Variants in SLC7A1 observed in about 807,000 individuals in gnomAD.
The protein encoded by SLC7A1 is high affinity cationic amino acid transporter 1.
Under a neutral mutation model 53.9 loss-of-function variants are expected in SLC7A1, and 10 were observed. The observed-to-expected ratio is 0.19, with a 90% CI of 0.11 to 0.31. The LOEUF (loss-of-function observed/expected upper bound fraction) is 0.31, where lower values mean the gene tolerates loss of function less well. Among genes scored for constraint, SLC7A1 ranks in the 10% least tolerant of loss-of-function variants. The pLI, the probability that SLC7A1 is intolerant of heterozygous loss-of-function variation, is 1.00. For missense variants in SLC7A1, 525 were observed against 827.2 expected (o/e 0.63, Z 4.48); for synonymous variants, 342 against 338.7 (o/e 1.01, Z -0.11).
chr13:29,539,192 C>T (rs569852655), intron 2 of SLC7A1, among the ~76,000 whole-genome samples: 25 of 152,212 alleles, frequency 1.6e-4, no homozygotes, highest in African/African-American at 2.9e-4. Flanking sequence ...TTCTCAAAAA[C>T]GTGCTGTTGT....
At chr13:29,583,887 T>C (rs918617508) in intron 1 of SLC7A1, among the ~76,000 whole-genome samples, 1 of 152,028 alleles carries the variant, frequency 6.6e-6, no homozygotes, top group Non-Finnish European at 1.5e-5. Flanking sequence ...AAGAAAGCAA[T>C]CTGAAAAAAG....
chr13:29,531,144 G>C (rs1309126751), intron 4 of SLC7A1, among the ~76,000 whole-genome samples: 2 of 152,226 alleles, frequency 1.3e-5, no homozygotes, highest in Non-Finnish European at 2.9e-5. Flanking sequence ...TTTCCTGGGA[G>C]AATGGACATT....
At chr13:29,581,129 G>A (rs996471581) in intron 1 of SLC7A1, among the ~76,000 whole-genome samples, 2 of 152,160 alleles carry the variant, frequency 1.3e-5, no homozygotes, top group Admixed American at 6.5e-5. Context: ...TAATGAACCA[G>A]GCAACAGAGA....
rs1022953614 is a variant in SLC7A1, at chr13:29,511,650, C to T, written c.*2830G>A. ...CCTCCCTGGAGACCCACTTCATCCC[C>T]CTCTTCAGCAGAGGTCCTGAGGCAG... On this transcript the variant is annotated 3_prime_UTR_variant, in exon 13 of 13. Coordinates refer to ENST00000380752, the MANE Select transcript of SLC7A1 (RefSeq NM_003045.5). The T allele has an allele frequency of 1.3e-5, 2 of 152,240 alleles. No individual in the cohort carries two copies. The highest frequency in any genetic ancestry group is 4.8e-5 in the African/African-American group (2 of 41,452). 9.4% of individuals were successfully genotyped at this position (152,240 alleles called of 1,614,324 possible). A position where few individuals can be genotyped will look rare whatever the true frequency, so the allele number is the denominator to read the frequency against.
At chr13:29,572,552 A>G (rs572358976) in intron 1 of SLC7A1, among the ~76,000 whole-genome samples, 3 of 152,274 alleles carry the variant, frequency 2.0e-5, no homozygotes, top group South Asian at 4.1e-4. Context: ...GCCGGATGCC[A>G]TCAGTTATCA....
At chr13:29,542,938 T>G (rs975517236) in intron 2 of SLC7A1, among the ~76,000 whole-genome samples, 3 of 152,178 alleles carry the variant, frequency 2.0e-5, no homozygotes, top group African/African-American at 7.2e-5. Flanking sequence ...TGGACTCTTT[T>G]AAAGGCCCTG....
intron 5 of SLC7A1, among the ~76,000 whole-genome samples, chr13:29,529,275 A>G (rs1593546160): frequency 6.6e-6 from 1 of 152,234 alleles, no homozygotes; most frequent in South Asian, 2.1e-4. Flanking sequence ...CCATTCAAGT[A>G]GTCACACATC....
Position 29,535,911 on chromosome 13 carries a change from T to C in SLC7A1, c.278A>G (p.Lys93Arg). ...GCTGTAGAGGTAAGCTGAGCCCGTC[T>C]TGGGGACCCGAGCACCAAACTCGCC... ...CYGEFGARVP[K>R]TGSAYLYSYV... Residue 93 changes from lysine to arginine, a missense_variant, in exon 3 of 13, where the codon AAG becomes AGG. By Grantham distance (26) the Lys-to-Arg change is conservative. Coordinates refer to ENST00000380752, the MANE Select transcript of SLC7A1 (RefSeq NM_003045.5). 1.9e-6 allele frequency: 3 copies of C among 1,614,206 alleles called. No homozygotes were observed. Among genetic ancestry groups the C allele is most frequent in the Non-Finnish European group, 2.5e-6 (3 of 1,180,048 alleles).
Position 29,588,046 on chromosome 13 carries a change from CA to C in SLC7A1, c.-115+7369del, listed in dbSNP as rs1871958960. 2.6e-5 allele frequency among the ~76,000 whole-genome samples: 4 copies of C among 152,118 alleles called. No homozygotes were observed. The South Asian group carries it at 8.3e-4, about 32-fold the overall frequency. On this transcript the variant is annotated intron_variant, in intron 1 of 12. Transcript: ENST00000380752. ...TCTGTAGTTTCCAAATTTTCCACAA[CA>C]AACATTCTAACTTTTAGAAACACTT...
Position 29,536,030 on chromosome 13 carries a change from C to T in SLC7A1, c.159G>A (p.Leu53=). The change falls in exon 3 of 13, where the codon CTG becomes CTA. Residue 53 remains leucine (L), a synonymous_variant. Coordinates refer to ENST00000380752, the MANE Select transcript of SLC7A1 (RefSeq NM_003045.5). ...CATTCTCACGGGCCACAGCTCCAGC[C>T]AGGACGTAGACACCAGCACCCAGTG... ...GSTLGAGVYV[L]AGAVARENAG... is the part of the protein sequence containing the mutation. The T allele has an allele frequency of 6.2e-7, 1 of 1,614,072 alleles. No homozygotes were observed. The highest frequency in any genetic ancestry group is 8.5e-7 in the Non-Finnish European group (1 of 1,180,040).
chr13:29,522,496 C>T, intron 7 of SLC7A1, 40 bp from the exon 8 acceptor site: 1 of 1,612,450 alleles, frequency 6.2e-7, no homozygotes, highest in Non-Finnish European at 8.5e-7. Flanking sequence ...GAACCTGGCT[C>T]ATAAGGGATA....
intron 3 of SLC7A1, among the ~76,000 whole-genome samples, chr13:29,534,970 T>G (rs949054613): frequency 6.6e-6 from 1 of 152,210 alleles, no homozygotes; most frequent in Non-Finnish European, 1.5e-5. Flanking sequence ...GGAAAGATTT[T>G]CTACATTTGC....
intron 4 of SLC7A1, among the ~76,000 whole-genome samples, chr13:29,531,570 C>T (rs190387365): frequency 1.3e-5 from 2 of 152,318 alleles, no homozygotes; most frequent in East Asian, 3.9e-4. Flanking sequence ...TAGGTGCGGT[C>T]GCTCACGCCT....
At chr13:29,536,270 AT>A (rs1440334401) in intron 2 of SLC7A1, 68 bp from the exon 3 acceptor site, 2 of 1,445,936 alleles carry the variant, frequency 1.4e-6, no homozygotes, top group Admixed American at 3.9e-5. Context: ...ATCTTATCAC[AT>A]TATGGAAACA....
rs545897147 is a variant in SLC7A1 at position 29,528,447 on chromosome 13, G to A, written c.704+2091C>T. On this transcript the variant is annotated intron_variant, in intron 5 of 12. Coordinates refer to ENST00000380752, the MANE Select transcript of SLC7A1 (RefSeq NM_003045.5). ...CTAGTTCCTGGGGGCCTTCCCAGGC[G>A]GCTAGGAGACAGCATCCTAAAATCA... 4.6e-5 allele frequency among the ~76,000 whole-genome samples: 7 copies of A among 152,248 alleles called. No homozygotes were observed. The East Asian group carries it at 5.8e-4, about 13-fold the overall frequency.
rs1227818056 is a variant in SLC7A1 at position 29,513,859 on chromosome 13, G to C, written c.*621C>G. Reference sequence around the variant, plus strand: ...GCCCCGGGCAGCTGTCATGGTGTCAGAGCAAAGCCCTGAGAAGCCAAGGGG... The same window carrying C: ...GCCCCGGGCAGCTGTCATGGTGTCACAGCAAAGCCCTGAGAAGCCAAGGGG... On this transcript the variant is annotated 3_prime_UTR_variant, in exon 13 of 13. Transcript: ENST00000380752. 6.6e-6 allele frequency: 1 copy of C among 152,630 alleles called. No individual in the cohort carries two copies. The highest frequency in any genetic ancestry group is 2.4e-5 in the African/African-American group (1 of 41,474). The allele number at this position is 152,630 out of a possible 1,614,324, so 9.5% of individuals were successfully genotyped here.
chr13:29,579,297 C>G (rs920313655), intron 1 of SLC7A1, among the ~76,000 whole-genome samples: 1 of 152,122 alleles, frequency 6.6e-6, no homozygotes, highest in Non-Finnish European at 1.5e-5. Flanking sequence ...AACAGGACAC[C>G]ACGGCCAGGG....
chr13:29,524,189 A>G lies in SLC7A1; in HGVS notation c.769T>C (p.Ser257Pro), dbSNP rs1273945257. Residue 257 changes from serine (S) to proline (P), a missense_variant, in exon 6 of 13, where the codon TCG (serine) becomes CCG (proline). Around this residue, in one of 4 missense-constraint regions of SLC7A1, gnomAD observed 354 missense variants for 587.5 expected, o/e 0.60. Transcript: ENST00000380752. Reference protein sequence around the residue: ...FMPFGFSGVLSGAATCFYAFV... With the variant: ...FMPFGFSGVLPGAATCFYAFV... ...GCATAGAAGCAAGTCGCTGCCCCCG[A>G]CAGGACACCAGAGAACCCGAAGGGC... 1 of 1,614,124 alleles carries G rather than the reference A, an allele frequency of 6.2e-7. No individual in the cohort carries two copies. Among genetic ancestry groups the G allele is most frequent in the East Asian group, 2.2e-5 (1 of 44,868 alleles).
At chr13:29,531,669 CT>C (rs1323491309) in intron 4 of SLC7A1, among the ~76,000 whole-genome samples, 1 of 152,080 alleles carries the variant, frequency 6.6e-6, no homozygotes, top group African/African-American at 2.4e-5. Context: ...CTTACCTCTA[CT>C]AAAAATATAA....
Sources: allele counts gnomAD v4.1 joint callset (sites outside exome capture counted in the v4.1 genomes callset), GRCh38; gene constraint gnomAD v4.1.1; regional missense constraint gnomAD v4.1.1; transcripts MANE v1.5; gene names NCBI Gene and HGNC (gene_info 2026-07-23, HGNC 2026-07-21).